The following NEDD4L variants were observed in gnomAD, a reference collection of about 807,000 sequenced individuals.
The protein encoded by NEDD4L is NEDD4 like E3 ubiquitin protein ligase, also known as E3 ubiquitin-protein ligase NEDD4-like.
A neutral mutation model predicts 148.9 loss-of-function variants in NEDD4L; 54 were observed. That is an observed-to-expected ratio of 0.36 (90% CI 0.29 to 0.45). The LOEUF (loss-of-function observed/expected upper bound fraction) is 0.45. NEDD4L is among the 20% of genes least tolerant of loss of function. NEDD4L has a pLI of 1.00. For missense variants in NEDD4L, 856 were observed against 1,233.8 expected, an observed-to-expected ratio of 0.69 and a Z score of 4.59; for synonymous variants, 433 against 440.7, an observed-to-expected ratio of 0.98 and a Z score of 0.22.
At chr18:58,132,691 T>A (rs1231156973) in intron 1 of NEDD4L, among the ~76,000 whole-genome samples, 1 of 152,244 alleles carries the variant, frequency 6.6e-6, no homozygotes, top group African/African-American at 2.4e-5. Context: ...ACCCTCGTTG[T>A]CTTACTGAGC....
chr18:58,073,871 G>A (rs141817955), intron 1 of NEDD4L, among the ~76,000 whole-genome samples: 54 of 152,280 alleles, frequency 3.5e-4, no homozygotes, highest in African/African-American at 1.2e-3. Flanking sequence ...TCAATAAAAC[G>A]TATTTAAAAA....
chr18:58,266,163 A>T (rs141367339), intron 5 of NEDD4L, among the ~76,000 whole-genome samples: 129 of 152,202 alleles, frequency 8.5e-4, no homozygotes, highest in African/African-American at 3.0e-3. Context: ...AACCATTTGA[A>T]AAAATTATAA....
intron 5 of NEDD4L, among the ~76,000 whole-genome samples, chr18:58,254,468 T>C (rs1482627816): frequency 6.6e-6 from 1 of 151,232 alleles, no homozygotes; most frequent in Non-Finnish European, 1.5e-5. Context: ...CATATTTGTG[T>C]CCCAACTGTG....
chr18:58,178,321 C>T (rs941640057), intron 2 of NEDD4L, among the ~76,000 whole-genome samples: 6 of 152,126 alleles, frequency 3.9e-5, no homozygotes, highest in Non-Finnish European at 8.8e-5. Context: ...TTTTCTTTTC[C>T]ATTCAAGGGT....
intron 2 of NEDD4L, among the ~76,000 whole-genome samples, chr18:58,169,701 T>A (rs2037329285): frequency 6.6e-6 from 1 of 152,214 alleles, no homozygotes; most frequent in African/African-American, 2.4e-5. Context: ...TGTGCCTGTG[T>A]CCCGTTTCTG....
At chr18:58,063,922 T>C (rs1271058663) in intron 1 of NEDD4L, among the ~76,000 whole-genome samples, 5 of 150,884 alleles carry the variant, frequency 3.3e-5, no homozygotes. Context: ...TGAGAAGCCA[T>C]GTTGCCTTAT....
chr18:58,224,987 A>G (rs1043628835), intron 2 of NEDD4L, among the ~76,000 whole-genome samples: 2 of 152,170 alleles, frequency 1.3e-5, no homozygotes, highest in Non-Finnish European at 2.9e-5. Flanking sequence ...TTTTCTTTAA[A>G]TTATTTGTTT....
Position 58,082,102 on chromosome 18 carries a change from A to ATATATATTT in NEDD4L, c.48+37395_48+37396insATATATTTT. On this transcript the variant is annotated intron_variant, in intron 1 of 30. Transcript: ENST00000400345. ...TGAATATATATATATATATATATAT[A>ATATATATTT]TTTTTTTTTTTTTTTTTTTCTTGAG... Among the ~76,000 whole-genome samples the ATATATATTT allele has an allele frequency of 8.0e-3, 393 of 48,822 alleles. 3 individuals are homozygous for ATATATATTT. Among genetic ancestry groups the ATATATATTT allele is most frequent in the Middle Eastern group, 0.023 (1 of 44 alleles). 32.0% of individuals were successfully genotyped at this position (48,822 alleles called of 152,430 possible).
chr18:58,058,695 G>A (rs1055213357), intron 1 of NEDD4L, among the ~76,000 whole-genome samples: 1 of 152,324 alleles, frequency 6.6e-6, no homozygotes. Flanking sequence ...CAGAATCACA[G>A]CTGTTAGTGT....
chr18:58,379,120 G>A (rs532721026), intron 24 of NEDD4L, among the ~76,000 whole-genome samples: 4 of 152,352 alleles, frequency 2.6e-5, no homozygotes, highest in East Asian at 1.9e-4. Flanking sequence ...CGGGGTGTGC[G>A]TTTCGTGGCT....
chr18:58,201,653 C>T (rs946898482), intron 2 of NEDD4L, among the ~76,000 whole-genome samples: 2 of 152,192 alleles, frequency 1.3e-5, no homozygotes, highest in African/African-American at 4.8e-5. Flanking sequence ...TTATTACGTT[C>T]GTGTATTAAG....
At chr18:58,390,801 C>A in intron 29 of NEDD4L, 59 bp downstream of exon 29, 1 of 1,285,152 alleles carries the variant, frequency 7.8e-7, no homozygotes. Context: ...CAGGCATGAA[C>A]TCTGGCCCAA....
chr18:58,234,192 C>G (rs1252550250), intron 2 of NEDD4L, among the ~76,000 whole-genome samples: 1 of 138,976 alleles, frequency 7.2e-6, no homozygotes, highest in Non-Finnish European at 1.5e-5. Context: ...TTCCTTCCTT[C>G]CCCCCTTCCT....
intron 1 of NEDD4L, among the ~76,000 whole-genome samples, chr18:58,161,323 AC>A (rs2146519942): frequency 6.6e-6 from 1 of 152,060 alleles, no homozygotes; most frequent in South Asian, 2.1e-4. Context: ...GAGCCACCGT[AC>A]CCGGCAGGTT....
At chr18:58,215,291 G>T (rs1355617220) in intron 2 of NEDD4L, among the ~76,000 whole-genome samples, 1 of 152,088 alleles carries the variant, frequency 6.6e-6, no homozygotes, top group Non-Finnish European at 1.5e-5. Context: ...TTTTTCCCTA[G>T]TTCAATATTA....
At chr18:58,067,873 C>G (rs1188452412) in intron 1 of NEDD4L, among the ~76,000 whole-genome samples, 1 of 152,160 alleles carries the variant, frequency 6.6e-6, no homozygotes. Context: ...GCAGGTGTAT[C>G]TGTGTCGAGG....
intron 5 of NEDD4L, among the ~76,000 whole-genome samples, chr18:58,281,563 C>A (rs1296482306): frequency 6.6e-6 from 1 of 152,154 alleles, no homozygotes; most frequent in South Asian, 2.1e-4. Flanking sequence ...ATTGTCCTAG[C>A]TCTCCATGCT....
At chr18:58,394,835 T>C (rs2050279829) in intron 30 of NEDD4L, among the ~76,000 whole-genome samples, 1 of 152,224 alleles carries the variant, frequency 6.6e-6, no homozygotes, top group African/African-American at 2.4e-5. Flanking sequence ...AGCGAGCACG[T>C]GAATGGTTAG....
intron 1 of NEDD4L, among the ~76,000 whole-genome samples, chr18:58,074,598 A>G (rs1334876055): frequency 6.6e-6 from 1 of 151,852 alleles, no homozygotes; most frequent in Non-Finnish European, 1.5e-5. Flanking sequence ...AATAAGTGAC[A>G]CAATGAAGAA....
Sources: gnomAD v4.1 joint callset for allele counts (sites outside exome capture counted in the v4.1 genomes callset) on GRCh38, gnomAD v4.1.1 for gene constraint, MANE v1.5 for transcripts, NCBI Gene and HGNC (gene_info 2026-07-23, HGNC 2026-07-21) for gene names.